The following ANKRD42 variants were observed in gnomAD, a reference collection of about 807,000 sequenced individuals.
The protein encoded by ANKRD42 is ankyrin repeat domain-containing protein 42.
Under a neutral mutation model 51.5 loss-of-function variants are expected in ANKRD42, and 43 were observed. The observed-to-expected ratio is 0.83, with a 90% confidence interval of 0.65 to 1.08. ANKRD42 has a LOEUF of 1.08. Among genes scored for constraint, ANKRD42 ranks in the 50% least tolerant of loss-of-function variants. The pLI is 0.00. For synonymous variants in ANKRD42, 203 were observed against 213.0 expected (o/e 0.95, Z 0.41); for missense variants, 608 against 629.3 (o/e 0.97, Z 0.36).
chr11:83,252,169 C>G (rs1863686599), downstream of ANKRD42, among the ~76,000 whole-genome samples: 1 of 152,156 alleles, frequency 6.6e-6, no homozygotes, highest in East Asian at 1.9e-4. Context: ...CTCAAAATCA[C>G]TGGTTATCAG....
intron 5 of ANKRD42, chr11:83,212,871 T>C (rs1862378479): frequency 1.4e-6 from 2 of 1,432,912 alleles, no homozygotes; most frequent in African/African-American, 2.9e-5. Context: ...AAATTTATTT[T>C]GTTCTCATTC....
At chr11:83,226,790 A>G (rs1862899962) in intron 6 of ANKRD42, among the ~76,000 whole-genome samples, 1 of 123,386 alleles carries the variant, frequency 8.1e-6, no homozygotes, top group South Asian at 2.7e-4. Context: ...ACAAAGTGAG[A>G]CCCTGCCTCT....
At chr11:83,198,900 C>T (rs1201501551) in intron 2 of ANKRD42, among the ~76,000 whole-genome samples, 2 of 152,172 alleles carry the variant, frequency 1.3e-5, no homozygotes, top group Non-Finnish European at 1.5e-5. Context: ...CTTGTCTCTG[C>T]TCCATGATAT....
At chr11:83,198,349 A>T in intron 1 of ANKRD42, 130 bp from the exon 2 acceptor site, 1 of 921,336 alleles carries the variant, frequency 1.1e-6, no homozygotes, top group Non-Finnish European at 1.6e-6. Flanking sequence ...GATATTAATG[A>T]CAAACATCTT....
At chr11:83,212,430 A>T (rs1047356864) in intron 5 of ANKRD42, among the ~76,000 whole-genome samples, 3 of 152,110 alleles carry the variant, frequency 2.0e-5, no homozygotes, top group Non-Finnish European at 4.4e-5. Context: ...GATACTAGTT[A>T]ATTTGGGTTA....
chr11:83,246,845 A>G (rs1863556146), intron 10 of ANKRD42, among the ~76,000 whole-genome samples: 1 of 152,328 alleles, frequency 6.6e-6, no homozygotes, highest in Non-Finnish European at 1.5e-5. Context: ...AAAAAATAAT[A>G]TAAGGATTAA....
downstream of ANKRD42, among the ~76,000 whole-genome samples, chr11:83,257,102 A>AT (rs1273615481): frequency 6.6e-6 from 1 of 152,140 alleles, no homozygotes; most frequent in African/African-American, 2.4e-5. Context: ...TAGGTGAGTC[A>AT]TTTTTTAACA....
chr11:83,255,424 G>A (rs929736782), intron 11 of ANKRD42, among the ~76,000 whole-genome samples: 1 of 152,192 alleles, frequency 6.6e-6, no homozygotes, highest in African/African-American at 2.4e-5. Context: ...GGGGAAGCTA[G>A]GGAATGATTC....
downstream of ANKRD42, among the ~76,000 whole-genome samples, chr11:83,264,083 G>T (rs1250399880): frequency 6.6e-6 from 1 of 152,034 alleles, no homozygotes; most frequent in Admixed American, 6.6e-5. Context: ...CTAGCACAGG[G>T]CCACCAAGAT....
At chr11:83,228,152 G>T (rs1444831956) in intron 7 of ANKRD42, among the ~76,000 whole-genome samples, 1 of 145,516 alleles carries the variant, frequency 6.9e-6, no homozygotes, top group Non-Finnish European at 1.5e-5. Flanking sequence ...GAAATGTACT[G>T]CTAGAGAAGT....
rs1339670019 is a variant in ANKRD42, at chr11:83,194,109, C to T, written c.-562C>T. ...GGGGAGATAGTGGCCACAGTCACAG[C>T]TGCTCTTGGGAGAGAGTTAGGGGAG... On this transcript the variant is annotated 5_prime_UTR_variant, in exon 1 of 11. Transcript: ENST00000533342. The T allele has an allele frequency of 2.2e-6, 1 of 456,436 alleles. No homozygotes were observed. Among genetic ancestry groups the T allele is most frequent in the Admixed American group, 2.3e-5 (1 of 42,558 alleles). The allele number at this position is 456,436 out of a possible 1,614,324, so 28.3% of individuals were successfully genotyped here.
chr11:83,213,825 C>T (rs1206195135), intron 5 of ANKRD42: 1 of 153,216 alleles, frequency 6.5e-6, no homozygotes, highest in African/African-American at 2.4e-5. Context: ...ATGCAAATAT[C>T]TTTCTAATCT....
rs58376016 is a variant in ANKRD42, at chr11:83,248,296, TAC to T, written c.*131_*132del. 115,120 of 1,279,158 alleles carry T rather than the reference TAC, an allele frequency of 0.09. 647 individuals are homozygous for T. The highest frequency in any genetic ancestry group is 0.1 in the African/African-American group (6,530 of 62,890). The allele number at this position is 1,279,158 out of a possible 1,614,324, so 79.2% of individuals were successfully genotyped here. A position where few individuals can be genotyped will look rare whatever the true frequency, so the allele number is the denominator to read the frequency against. ...AGAGCTGATGACAGGATTAAAGGAA[TAC>T]ACACACACACACACACACACACACA... On this transcript the variant is annotated 3_prime_UTR_variant, in exon 11 of 11. Transcript: ENST00000533342.
intron 2 of ANKRD42, 25 bp from the exon 3 acceptor site, chr11:83,206,033 C>G: frequency 1.3e-6 from 2 of 1,581,718 alleles, no homozygotes; most frequent in Non-Finnish European, 1.7e-6. Context: ...CACTTTATCA[C>G]TTGTTAACAT....
intron 9 of ANKRD42, 106 bp from the exon 10 acceptor site, chr11:83,245,392 T>G: frequency 8.0e-7 from 1 of 1,253,392 alleles, no homozygotes; most frequent in Non-Finnish European, 1.1e-6. Flanking sequence ...CTCCAAACCA[T>G]ACAGACACTA....
At chr11:83,218,766 C>G in intron 5 of ANKRD42, among the ~76,000 whole-genome samples, 1 of 152,130 alleles carries the variant, frequency 6.6e-6, no homozygotes, top group South Asian at 2.1e-4. Flanking sequence ...GCCCTCAGTA[C>G]GGAGGTAATT....
At chr11:83,213,069 G>A (rs1409461933) in intron 5 of ANKRD42, 8 of 1,600,268 alleles carry the variant, frequency 5.0e-6, no homozygotes, top group East Asian at 4.5e-5. Flanking sequence ...AAGTTCTTCC[G>A]GCACCAGACT....
chr11:83,219,168 A>C (rs750299633), intron 5 of ANKRD42, among the ~76,000 whole-genome samples: 1 of 152,182 alleles, frequency 6.6e-6, no homozygotes, highest in Non-Finnish European at 1.5e-5. Context: ...GGCATCCCCT[A>C]AGGGTCAGGT....
intron 7 of ANKRD42, 84 bp downstream of exon 7, chr11:83,227,956 A>G: frequency 2.1e-6 from 3 of 1,456,066 alleles, no homozygotes; most frequent in African/African-American, 2.8e-5. Flanking sequence ...TCAGAAACAC[A>G]TGAAACATGA....
Sources: gnomAD v4.1 joint callset for allele counts (sites outside exome capture counted in the v4.1 genomes callset) on GRCh38, gnomAD v4.1.1 for gene constraint, MANE v1.5 for transcripts, NCBI Gene and HGNC (gene_info 2026-07-23, HGNC 2026-07-21) for gene names.